ACSL5: variants seen among roughly 807,000 people sequenced by gnomAD.
The protein encoded by ACSL5 is long-chain-fatty-acid--CoA ligase 5.
In ACSL5, 50 loss-of-function variants were observed where a neutral mutation model predicts 84.9. The ratio of observed to expected loss-of-function variants is 0.59; its 90% confidence interval spans 0.47 to 0.75. The LOEUF is 0.75. Among genes scored for constraint, ACSL5 ranks in the 30% least tolerant of loss-of-function variants. The pLI is 0.00. For missense variants in ACSL5, 775 were observed against 830.4 expected (o/e 0.93, Z 0.82); for synonymous variants, 280 against 300.7 (o/e 0.93, Z 0.71).
At chr10:112,427,131 C>A in intron 20 of ACSL5, 87 bp from the exon 21 acceptor site, 1 of 1,390,012 alleles carries the variant, frequency 7.2e-7, no homozygotes, top group Non-Finnish European at 9.8e-7. Flanking sequence ...CTGCATCAAC[C>A]TCACTTTCTT....
chr10:112,409,580 C>T lies in ACSL5; in HGVS notation c.606C>T (p.Phe202=). ...TGATAGGGAATGTAGAGAAAGGCTT[C>T]ACCCCGAGCCTGAAGGTGATCATCC... ...LVLIGNVEKG[F]TPSLKVIILM... The change falls in exon 7 of 21, where the codon TTC becomes TTT. Residue 202 remains phenylalanine (F), a synonymous_variant. Transcript: ENST00000354655. 1 of 1,614,142 alleles carries T rather than the reference C, an allele frequency of 6.2e-7. No homozygotes were observed.
At chr10:112,418,700 T>C (rs1844380623) in intron 14 of ACSL5, 1 of 152,400 alleles carries the variant, frequency 6.6e-6, no homozygotes, top group Non-Finnish European at 1.5e-5. Flanking sequence ...GTATATGTAT[T>C]ATATACTGTA....
rs1343274885 is a variant in ACSL5, at chr10:112,401,696, A to G, written c.265+2687A>G. Among the ~76,000 whole-genome samples the G allele has an allele frequency of 2.0e-5, 3 of 152,202 alleles. No individual in the cohort carries two copies. The East Asian group carries it at 5.8e-4, about 29-fold the overall frequency. ...TATTCCTTAGACACCAGCCTCTGCT[A>G]GCATTTTTATCAATCAAGAGGTGAT... On this transcript the variant is annotated intron_variant, in intron 3 of 20. Coordinates refer to ENST00000354655, the MANE Select transcript of ACSL5 (RefSeq NM_203379.2).
At chr10:112,391,785 T>C (rs563159538) in intron 1 of ACSL5, among the ~76,000 whole-genome samples, 1 of 152,310 alleles carries the variant, frequency 6.6e-6, no homozygotes, top group South Asian at 2.1e-4. Flanking sequence ...TCTTCTGGAT[T>C]ATCTAGGGAG....
chr10:112,395,239 A>G lies in ACSL5; in HGVS notation c.156+137A>G, dbSNP rs1295850585. 3.5e-6 allele frequency: 3 copies of G among 852,450 alleles called. No individual in the cohort carries two copies. The African/African-American group carries it at 5.1e-5, about 15-fold the overall frequency. The allele number at this position is 852,450 out of a possible 1,614,324, so 52.8% of individuals were successfully genotyped here. On this transcript the variant is annotated intron_variant, in intron 2 of 20. Transcript: ENST00000354655. Reference sequence around the variant, plus strand: ...CTTTCATGTTACCAATCAACAGGCAATATACAAATTTAAACTTCTATTACT... The same window carrying G: ...CTTTCATGTTACCAATCAACAGGCAGTATACAAATTTAAACTTCTATTACT...
chr10:112,392,740 C>CA (rs566503761), intron 1 of ACSL5, among the ~76,000 whole-genome samples: 51,125 of 116,782 alleles, frequency 0.44, 11,790 homozygotes, highest in East Asian at 0.65. Context: ...GATTCTGTCT[C>CA]AAAAAAAAAA....
intron 12 of ACSL5, 76 bp downstream of exon 12, chr10:112,413,383 C>A: frequency 2.0e-6 from 3 of 1,525,618 alleles, no homozygotes; most frequent in South Asian, 1.2e-5. Flanking sequence ...ATGAGATTTA[C>A]TCCACCTCTA....
At chr10:112,407,302 C>T (rs994132553) in intron 5 of ACSL5, among the ~76,000 whole-genome samples, 1 of 152,136 alleles carries the variant, frequency 6.6e-6, no homozygotes, top group East Asian at 1.9e-4. Flanking sequence ...CAGCTCACTG[C>T]AACCTCCACC....
intron 12 of ACSL5, among the ~76,000 whole-genome samples, chr10:112,414,283 C>T (rs1347792915): frequency 1.3e-5 from 2 of 151,622 alleles, no homozygotes; most frequent in Non-Finnish European, 2.9e-5. Flanking sequence ...TCAAAAGTAG[C>T]CAATGAGATT....
At chr10:112,418,289 C>T (rs1844364905) in intron 14 of ACSL5, among the ~76,000 whole-genome samples, 1 of 152,108 alleles carries the variant, frequency 6.6e-6, no homozygotes, top group African/African-American at 2.4e-5. Flanking sequence ...ATGTATAATA[C>T]TTGACTCCCT....
chr10:112,398,950 G>A lies in ACSL5; in HGVS notation c.206G>A (p.Cys69Tyr), dbSNP rs1355325161. 1.1e-5 allele frequency: 18 copies of A among 1,614,004 alleles called. No homozygotes were observed. The highest frequency in any genetic ancestry group is 2.2e-5 in the East Asian group (1 of 44,884). Residue 69 changes from cysteine (C) to tyrosine (Y), a missense_variant, in exon 3 of 21, where the codon TGC becomes TAC. Cys to Tyr is a radical substitution (Grantham distance 194). Coordinates refer to ENST00000354655, the MANE Select transcript of ACSL5 (RefSeq NM_203379.2). ...CAGAAGAACAATGACCTAACAAGTT[G>A]CTGCTTCTCAGATGCCAAGACTATG... ...VSQKNNDLTS[C>Y]CFSDAKTMYE... is the part of the protein sequence containing the mutation.
chr10:112,404,845 G>T (rs1245777934), intron 5 of ACSL5, 39 bp downstream of exon 5: 3 of 1,554,022 alleles, frequency 1.9e-6, no homozygotes, highest in Non-Finnish European at 8.8e-7. Context: ...ATGAGTCAGG[G>T]TTAAGTTTAA....
intron 1 of ACSL5, among the ~76,000 whole-genome samples, chr10:112,378,245 T>G (rs1237714505): frequency 1.6e-5 from 2 of 128,812 alleles, no homozygotes; most frequent in Non-Finnish European, 3.3e-5. Context: ...TTTTTTTTTT[T>G]TTTTTTTTTT....
At chr10:112,379,397 C>T (rs1318513798) in intron 1 of ACSL5, among the ~76,000 whole-genome samples, 3 of 127,932 alleles carry the variant, frequency 2.3e-5, no homozygotes, top group Non-Finnish European at 4.9e-5. Flanking sequence ...AAGAGTGAAA[C>T]TCCATCTCAA....
At chr10:112,387,016 T>G (rs1488602451) in intron 1 of ACSL5, among the ~76,000 whole-genome samples, 1 of 152,232 alleles carries the variant, frequency 6.6e-6, no homozygotes, top group Non-Finnish European at 1.5e-5. Flanking sequence ...AATTTTGTTT[T>G]GTTTTTTAAT....
chr10:112,427,223 A>G lies in ACSL5; in HGVS notation c.1917A>G (p.Lys639=), dbSNP rs1373545875. Residue 639 remains lysine (K), a synonymous_variant, in exon 21 of 21, where the codon AAA becomes AAG. Transcript: ENST00000354655. ...ESGLKTFEQV[K]AIFLHPEPFS... is the part of the protein sequence containing the mutation. ...TGTGTGTGTTCATCTTCCAGGTCAA[A>G]GCCATTTTTCTTCATCCAGAGCCAT... 1.2e-6 allele frequency: 2 copies of G among 1,611,920 alleles called. No homozygotes were observed. Among genetic ancestry groups the G allele is most frequent in the East Asian group, 4.5e-5 (2 of 44,816 alleles).
At chr10:112,394,745 A>G in intron 1 of ACSL5, 173 bp from the exon 2 acceptor site, 3 of 985,086 alleles carry the variant, frequency 3.0e-6, no homozygotes, top group South Asian at 9.4e-5. Flanking sequence ...TGCTAAGTAA[A>G]CACTGGGGGA....
At chr10:112,379,813 G>A (rs186442044) in intron 1 of ACSL5, among the ~76,000 whole-genome samples, 267 of 152,318 alleles carry the variant, frequency 1.8e-3, no homozygotes, top group Non-Finnish European at 2.9e-3. Context: ...CAATGACACC[G>A]TTGACAAGAA....
intron 17 of ACSL5, 169 bp from the exon 18 acceptor site, chr10:112,425,169 A>G: frequency 3.6e-6 from 2 of 551,144 alleles, no homozygotes; most frequent in Non-Finnish European, 6.3e-6. Flanking sequence ...TTGCTGCACG[A>G]TGCTTCCCTC....
Sources: gnomAD v4.1 joint callset for allele counts (sites outside exome capture counted in the v4.1 genomes callset) on GRCh38, gnomAD v4.1.1 for gene constraint, MANE v1.5 for transcripts, NCBI Gene and HGNC (gene_info 2026-07-23, HGNC 2026-07-21) for gene names.